Variants in NUAK1 observed in about 807,000 individuals in gnomAD.
NUAK1 encodes the protein NUAK family SNF1-like kinase 1.
Under a neutral mutation model 56.9 loss-of-function variants are expected in NUAK1, and 26 were observed. The ratio of observed to expected loss-of-function variants is 0.46; its 90% confidence interval spans 0.33 to 0.63. The LOEUF (loss-of-function observed/expected upper bound fraction) is 0.63. Ranked by LOEUF, NUAK1 falls within the 30% of genes least tolerant of loss-of-function variation. The probability of loss-of-function intolerance (pLI) is 0.02; values close to 1 mark genes in which losing one functional copy is unlikely to be tolerated. For synonymous variants in NUAK1, 337 were observed against 336.0 expected, an observed-to-expected ratio of 1.00 and a Z score of -0.03; for missense variants, 727 against 876.1, an observed-to-expected ratio of 0.83 and a Z score of 2.15.
At chr12:106,076,324 G>A (rs1209215823) in intron 4 of NUAK1, among the ~76,000 whole-genome samples, 1 of 152,202 alleles carries the variant, frequency 6.6e-6, no homozygotes, top group Non-Finnish European at 1.5e-5. Flanking sequence ...AAGCCGTACA[G>A]TTTCTCCAAC....
At chr12:106,132,697 A>G (rs993368970) in intron 1 of NUAK1, among the ~76,000 whole-genome samples, 7 of 152,180 alleles carry the variant, frequency 4.6e-5, no homozygotes, top group African/African-American at 1.7e-4. Context: ...GAGGTCCAAC[A>G]AACAGACCAA....
chr12:106,117,444 A>G (rs2032928840), intron 1 of NUAK1, among the ~76,000 whole-genome samples: 1 of 152,082 alleles, frequency 6.6e-6, no homozygotes, highest in Admixed American at 6.5e-5. Context: ...TCATTTTCCC[A>G]TTTCCAAAAA....
intron 1 of NUAK1, among the ~76,000 whole-genome samples, chr12:106,116,555 A>G (rs1185993954): frequency 6.6e-6 from 1 of 152,242 alleles, no homozygotes; most frequent in African/African-American, 2.4e-5. Context: ...ATGAATATAA[A>G]CTGAGTCTGA....
chr12:106,077,029 T>C (rs1592849340), intron 4 of NUAK1, among the ~76,000 whole-genome samples: 1 of 152,350 alleles, frequency 6.6e-6, no homozygotes, highest in East Asian at 1.9e-4. Context: ...CATAAAAGGA[T>C]TAACTCCAGA....
intron 1 of NUAK1, among the ~76,000 whole-genome samples, chr12:106,114,301 C>A (rs2032895043): frequency 6.6e-6 from 1 of 152,224 alleles, no homozygotes; most frequent in Admixed American, 6.5e-5. Context: ...AATCCAGCAT[C>A]TGCACCTTGG....
chr12:106,093,668 T>G (rs967891742), intron 2 of NUAK1, among the ~76,000 whole-genome samples: 7 of 152,240 alleles, frequency 4.6e-5, no homozygotes, highest in Non-Finnish European at 1.5e-5. Flanking sequence ...TGGACTGTTT[T>G]GGAAGAAAGA....
intron 1 of NUAK1, among the ~76,000 whole-genome samples, chr12:106,130,909 T>C (rs1341550889): frequency 2.0e-5 from 3 of 152,166 alleles, no homozygotes; most frequent in Non-Finnish European, 2.9e-5. Flanking sequence ...AGAAGAACTA[T>C]TGTGAGCCCT....
Position 106,138,874 on chromosome 12 carries a change from G to T in NUAK1, c.-221C>A. ...ACGGTCCGCGCACCGCCCCCCGGCCGCGGCGAGCTGTGGAGCGTCGGGCGA... is the reference window on the plus strand; with the variant it reads ...ACGGTCCGCGCACCGCCCCCCGGCCTCGGCGAGCTGTGGAGCGTCGGGCGA... On this transcript the variant is annotated 5_prime_UTR_variant, in exon 1 of 7. Coordinates refer to ENST00000261402, the MANE Select transcript of NUAK1 (RefSeq NM_014840.3). This position sits in a 1 kb window ranked among gnomAD's most constrained non-coding sequence, Gnocchi z 5.0. The T allele has an allele frequency of 2.0e-6, 1 of 506,204 alleles. No individual in the cohort carries two copies. Among genetic ancestry groups the T allele is most frequent in the Non-Finnish European group, 3.1e-6 (1 of 323,968 alleles). The allele number at this position is 506,204 out of a possible 1,614,324, so 31.4% of individuals were successfully genotyped here.
intron 1 of NUAK1, among the ~76,000 whole-genome samples, chr12:106,119,486 G>A (rs899937456): frequency 6.6e-5 from 10 of 151,860 alleles, no homozygotes; most frequent in Admixed American, 1.3e-4. Context: ...CCTGCAGATC[G>A]TCACCCATAG....
chr12:106,092,270 G>A (rs1373529450), intron 2 of NUAK1, among the ~76,000 whole-genome samples: 1 of 152,158 alleles, frequency 6.6e-6, no homozygotes, highest in Non-Finnish European at 1.5e-5. Flanking sequence ...TGTAATCCCA[G>A]CACTTTGGGA....
At chr12:106,101,844 G>A (rs576915150) in intron 2 of NUAK1, among the ~76,000 whole-genome samples, 30 of 152,304 alleles carry the variant, frequency 2.0e-4, no homozygotes, top group Admixed American at 1.8e-3. Flanking sequence ...GAGTTCTACA[G>A]ATGGCAGGAT....
intron 5 of NUAK1, 58 bp downstream of exon 5, chr12:106,072,666 C>A: frequency 1.3e-6 from 2 of 1,537,404 alleles, no homozygotes; most frequent in Non-Finnish European, 1.8e-6. Context: ...AGTTTTTGCC[C>A]TTCCTCCCTC....
rs1370327590 is a variant in NUAK1, at chr12:106,138,419, G to C, written c.235C>G (p.Arg79Gly). The C allele has an allele frequency of 6.2e-7, 1 of 1,607,856 alleles. No individual in the cohort carries two copies. Among genetic ancestry groups the C allele is most frequent in the South Asian group, 1.1e-5 (1 of 90,632 alleles). ...TCCAGGATTGCCCCACTCACCACTCGGCCAGAAAACCTCTCGGTGGCCCGC... is the reference window on the plus strand; with the variant it reads ...TCCAGGATTGCCCCACTCACCACTCCGCCAGAAAACCTCTCGGTGGCCCGC... ...VKRATERFSG[R>G]VVAIKSIRKD... The change falls in exon 1 of 7, where the codon CGA becomes GGA. Residue 79 changes from arginine to glycine, a missense_variant. Arg to Gly is a moderately radical substitution (Grantham distance 125, BLOSUM62 -2). Transcript: ENST00000261402. The surrounding 1 kb of genome is among the most constrained non-coding windows in gnomAD (Gnocchi z 5.0).
intron 2 of NUAK1, among the ~76,000 whole-genome samples, chr12:106,089,896 G>C (rs2032618019): frequency 6.6e-6 from 1 of 152,158 alleles, no homozygotes; most frequent in Non-Finnish European, 1.5e-5. Context: ...CCTCCCTGCT[G>C]ACTGCATTTG....
intron 6 of NUAK1, among the ~76,000 whole-genome samples, chr12:106,069,531 G>C (rs2032382221): frequency 6.6e-6 from 1 of 152,158 alleles, no homozygotes; most frequent in Non-Finnish European, 1.5e-5. Flanking sequence ...ATGAGTTACA[G>C]TGCTGTTGGC....
Position 106,072,847 on chromosome 12 carries a change from C to T in NUAK1, c.580-4G>A. Reference sequence around the variant, plus strand: ...TGGAAAGCCCAAAGTCAGCAATCTACAAAGAGAAGCAAGACCCAGGGAGAC... The same window carrying T: ...TGGAAAGCCCAAAGTCAGCAATCTATAAAGAGAAGCAAGACCCAGGGAGAC... On this transcript the variant is annotated splice_polypyrimidine_tract_variant and splice_region_variant and intron_variant, in intron 4 of 6. Transcript: ENST00000261402. 5 of 1,613,828 alleles carry T rather than the reference C, an allele frequency of 3.1e-6. No individual in the cohort carries two copies. The highest frequency in any genetic ancestry group is 4.2e-6 in the Non-Finnish European group (5 of 1,179,808).
At chr12:106,104,395 T>G (rs988748384) in intron 2 of NUAK1, among the ~76,000 whole-genome samples, 27 of 152,206 alleles carry the variant, frequency 1.8e-4, no homozygotes. Flanking sequence ...GGGATCTATG[T>G]TGCTTCTTGA....
At chr12:106,097,485 G>T (rs1054069205) in intron 2 of NUAK1, among the ~76,000 whole-genome samples, 2 of 152,218 alleles carry the variant, frequency 1.3e-5, no homozygotes, top group African/African-American at 4.8e-5. Flanking sequence ...AAGGATCATT[G>T]ATCTTGTTAG....
chr12:106,112,179 C>G (rs1443789829), intron 1 of NUAK1, among the ~76,000 whole-genome samples: 1 of 152,092 alleles, frequency 6.6e-6, no homozygotes, highest in Non-Finnish European at 1.5e-5. Flanking sequence ...TTAGTGAGAA[C>G]AAGTTTGCAT....
Sources: allele counts gnomAD v4.1 joint callset (sites outside exome capture counted in the v4.1 genomes callset), GRCh38; gene constraint gnomAD v4.1.1; non-coding constraint Gnocchi (gnomAD v3.1); transcripts MANE v1.5; gene names NCBI Gene and HGNC (gene_info 2026-07-23, HGNC 2026-07-21).